The following CDK14 variants were observed in gnomAD, a reference collection of about 807,000 sequenced individuals.
CDK14 encodes cyclin dependent kinase 14, also known as cyclin-dependent kinase 14.
In CDK14, 34 loss-of-function variants were observed where a neutral mutation model predicts 60.7. The ratio of observed to expected loss-of-function variants is 0.56; its 90% confidence interval spans 0.43 to 0.75. The LOEUF (loss-of-function observed/expected upper bound fraction) is 0.75, where lower values mean the gene tolerates loss of function less well. Ranked by LOEUF, CDK14 falls within the 30% of genes least tolerant of loss-of-function variation. The pLI is 0.00. For synonymous variants in CDK14, 197 were observed against 203.7 expected (o/e 0.97, Z 0.28); for missense variants, 482 against 564.1 (o/e 0.85, Z 1.47).
At position 90,744,697 on chromosome 7, in the gene CDK14, C is replaced by CTTTATTCTTATT. The variant is rs1462264999; in HGVS notation, c.370-2982_370-2981insTATTCTTATTTT. ...GCTGGCCGGGCAGAGGGGCTCCTCA[C>CTTTATTCTTATT]TTCCCAGTAGGGGCGGCCGGGCAGA... On this transcript the variant is annotated intron_variant, in intron 3 of 14. Transcript: ENST00000380050. Among the ~76,000 whole-genome samples, 215 of 103,938 alleles carry CTTTATTCTTATT rather than the reference C, an allele frequency of 2.1e-3. 2 individuals are homozygous for CTTTATTCTTATT. Among genetic ancestry groups the CTTTATTCTTATT allele is most frequent in the Non-Finnish European group, 2.7e-3 (122 of 45,702 alleles). 68.2% of individuals were successfully genotyped at this position (103,938 alleles called of 152,430 possible). A position where few individuals can be genotyped will look rare whatever the true frequency, so the allele number is the denominator to read the frequency against.
chr7:90,794,516 G>A (rs571852631), intron 5 of CDK14, among the ~76,000 whole-genome samples: 40 of 152,282 alleles, frequency 2.6e-4, no homozygotes, highest in African/African-American at 9.1e-4. Context: ...TCTCAGGGAT[G>A]TTCTTTGCTG....
intron 6 of CDK14, among the ~76,000 whole-genome samples, chr7:90,866,421 T>C (rs1182536154): frequency 6.6e-6 from 1 of 152,150 alleles, no homozygotes. Flanking sequence ...AATTAATTCA[T>C]TGTACCCTTT....
rs78086265 is a variant in CDK14 at position 90,904,962 on chromosome 7, T to C, written c.702+5609T>C. On this transcript the variant is annotated intron_variant, in intron 7 of 14. Transcript: ENST00000380050. The stretch of plus-strand genomic sequence containing the variant: ...CCTAGAATTCTGTGCAAACTGTCAG[T>C]GAAGTATGAAGGTAAAATTACCATT... Among the ~76,000 whole-genome samples, 622 of 152,214 alleles carry C rather than the reference T, an allele frequency of 4.1e-3. 15 individuals carry two copies. In the East Asian group the frequency reaches 0.061, roughly 15 times the overall value.
intron 14 of CDK14, among the ~76,000 whole-genome samples, chr7:91,181,058 A>G (rs1801985645): frequency 6.6e-6 from 1 of 152,180 alleles, no homozygotes; most frequent in African/African-American, 2.4e-5. Flanking sequence ...AAACCTAATC[A>G]CAACACCATG....
At chr7:90,751,291 A>G (rs1803833238) in intron 4 of CDK14, among the ~76,000 whole-genome samples, 4 of 152,244 alleles carry the variant, frequency 2.6e-5, no homozygotes, top group Admixed American at 2.0e-4. Context: ...AAGATCACAT[A>G]TAAAGGGAAC....
chr7:91,206,531 A>G (rs4554397), intron 14 of CDK14, among the ~76,000 whole-genome samples: 74,480 of 152,068 alleles, frequency 0.49, 18,382 homozygotes, highest in East Asian at 0.61. Flanking sequence ...ACGGAAAGGG[A>G]CAGAGTGAAG....
intron 4 of CDK14, among the ~76,000 whole-genome samples, chr7:90,787,102 T>C (rs751466134): frequency 2.0e-5 from 3 of 152,118 alleles, no homozygotes; most frequent in Non-Finnish European, 2.9e-5. Flanking sequence ...TTGAGACACG[T>C]AGATAAAAAG....
chr7:91,125,506 G>A (rs117533786), intron 14 of CDK14, among the ~76,000 whole-genome samples: 204 of 152,114 alleles, frequency 1.3e-3, no homozygotes, highest in Middle Eastern at 3.4e-3. Context: ...TGGAATTTAG[G>A]ATAGCTGCTT....
At chr7:91,077,946 AAAG>A (rs1194680802) in intron 11 of CDK14, among the ~76,000 whole-genome samples, 1 of 152,222 alleles carries the variant, frequency 6.6e-6, no homozygotes. Flanking sequence ...AAGCGTATGA[AAAG>A]AAGTCCAAGA....
chr7:91,089,430 C>T (rs747457746), intron 12 of CDK14, among the ~76,000 whole-genome samples: 9 of 152,176 alleles, frequency 5.9e-5, no homozygotes, highest in East Asian at 1.9e-4. Flanking sequence ...CTTTTAGACA[C>T]GCAGATATAC....
At chr7:90,863,516 A>G (rs753849028) in intron 6 of CDK14, among the ~76,000 whole-genome samples, 1 of 152,274 alleles carries the variant, frequency 6.6e-6, no homozygotes, top group Non-Finnish European at 1.5e-5. Context: ...TTTATAACCT[A>G]TTTGTTACTA....
At chr7:90,983,257 G>A (rs746565758) in intron 9 of CDK14, among the ~76,000 whole-genome samples, 15 of 152,062 alleles carry the variant, frequency 9.9e-5, no homozygotes, top group Non-Finnish European at 2.2e-4. Context: ...ACATACTCAC[G>A]TATTCACCAC....
intron 1 of CDK14, among the ~76,000 whole-genome samples, chr7:90,598,867 GCTAATTTT>G (rs1244229829): frequency 1.3e-5 from 2 of 150,300 alleles, no homozygotes; most frequent in Admixed American, 6.6e-5. Context: ...ACTACGCCTG[GCTAATTTT>G]TTGTATTTTT....
chr7:91,195,172 C>G (rs1802494799), intron 14 of CDK14, among the ~76,000 whole-genome samples: 1 of 152,190 alleles, frequency 6.6e-6, no homozygotes, highest in Non-Finnish European at 1.5e-5. Context: ...AGCTGACACT[C>G]CTAGTCCAAT....
At position 91,079,477 on chromosome 7, in the gene CDK14, ATAAG is replaced by A. The variant is rs1180816956; in HGVS notation, c.1154+3_1154+6del. 2 of 1,596,474 alleles carry A rather than the reference ATAAG, an allele frequency of 1.3e-6. No homozygotes were observed. The highest frequency in any genetic ancestry group is 1.3e-5 in the African/African-American group (1 of 74,568). ...TCTAAAAACCTTAGACAAGCATGGA[ATAAG>A]TAAGTCTTTATACAGATTGTGCTCA... On this transcript the variant is annotated splice_donor_variant and coding_sequence_variant, in exon 12 of 15. Transcript: ENST00000380050. LOFTEE classifies it high-confidence loss of function.
chr7:91,206,633 G>A (rs567182093), intron 14 of CDK14, among the ~76,000 whole-genome samples: 2 of 152,292 alleles, frequency 1.3e-5, no homozygotes, highest in East Asian at 1.9e-4. Context: ...CAGGATGTTG[G>A]GAAGAGGCTG....
At chr7:91,166,233 T>C (rs1801342903) in intron 14 of CDK14, among the ~76,000 whole-genome samples, 1 of 152,200 alleles carries the variant, frequency 6.6e-6, no homozygotes, top group African/African-American at 2.4e-5. Context: ...AGTCAAATCT[T>C]AGGAAAGGAA....
At position 91,112,596 on chromosome 7, in the gene CDK14, C is replaced by T. The variant is rs375635324; in HGVS notation, c.1209C>T (p.Ser403=). The change falls in exon 13 of 15, where the codon TCC becomes TCT. Residue 403 remains serine, a synonymous_variant. Coordinates refer to ENST00000380050, the MANE Select transcript of CDK14 (RefSeq NM_001287135.2). ...EDLASKLLQC[S]PKNRLSAQAA... ...TGGCCTCCAAGCTCCTACAATGTTC[C>T]CCAAAGAACAGACTGTCGGCACAGG... The T allele has an allele frequency of 1.2e-6, 2 of 1,613,702 alleles. No individual in the cohort carries two copies. The highest frequency in any genetic ancestry group is 1.7e-4 in the Middle Eastern group (1 of 6,052).
chr7:90,851,927 C>G (rs1790659020), intron 5 of CDK14, among the ~76,000 whole-genome samples: 1 of 152,144 alleles, frequency 6.6e-6, no homozygotes. Context: ...GGGCTCAACT[C>G]TCACTCTGTC....
Sources: allele counts gnomAD v4.1 joint callset (sites outside exome capture counted in the v4.1 genomes callset), GRCh38; gene constraint gnomAD v4.1.1; transcripts MANE v1.5; gene names NCBI Gene and HGNC (gene_info 2026-07-23, HGNC 2026-07-21).